The following SLF1 variants were observed in gnomAD, a reference collection of about 807,000 sequenced individuals.
SLF1 encodes SMC5/6 complex localization factor 1, also known as SMC5-SMC6 complex localization factor protein 1.
A neutral mutation model predicts 123.0 loss-of-function variants in SLF1; 105 were observed. The observed-to-expected ratio is 0.85, with a 90% CI of 0.73 to 1.00. The LOEUF is 1.00. SLF1 is among the 50% of genes least tolerant of loss of function. The pLI, the probability that SLF1 is intolerant of heterozygous loss-of-function variation, is 0.00. For synonymous variants in SLF1, 434 were observed against 406.6 expected (o/e 1.07, Z -0.81); for missense variants, 1,239 against 1,223.0 (o/e 1.01, Z -0.20).
rs558868768 is a variant in SLF1 at position 94,677,470 on chromosome 5, T to C, written c.1828-1338T>C. ...TAGATCCTTTTATACTGTAATCTTT[T>C]ATACATGAACAGAATGTTATATATT... On this transcript the variant is annotated intron_variant, in intron 14 of 20. Coordinates refer to ENST00000265140, the MANE Select transcript of SLF1 (RefSeq NM_032290.4). Among the ~76,000 whole-genome samples the C allele has an allele frequency of 7.9e-5, 12 of 152,312 alleles. No homozygotes were observed. In the East Asian group the frequency reaches 2.3e-3, roughly 29 times the overall value.
rs188869896 is a variant in SLF1, at chr5:94,641,536, A to T, written c.432-1737A>T. The stretch of plus-strand genomic sequence containing the variant: ...CACCATCAATGCATCACTTCAGCTT[A>T]CAGCAGTGGGCTCCAGTTTCTTTGT... On this transcript the variant is annotated intron_variant, in intron 4 of 20. Coordinates refer to ENST00000265140, the MANE Select transcript of SLF1 (RefSeq NM_032290.4). Among the ~76,000 whole-genome samples the T allele has an allele frequency of 1.8e-3, 277 of 152,338 alleles. 2 individuals carry two copies. Among genetic ancestry groups the T allele is most frequent in the Non-Finnish European group, 1.8e-3 (123 of 68,026 alleles).
chr5:94,643,305 T>A lies in SLF1; in HGVS notation c.464T>A (p.Leu155Ter). Reference sequence around the variant, plus strand: ...GAGGCTGGAAAGGCAAATGTTATTTTACCAAAAAGTTCACCAAGTGGAATA... The same window carrying A: ...GAGGCTGGAAAGGCAAATGTTATTTAACCAAAAAGTTCACCAAGTGGAATA... ...VLEAGKANVI[L>*]PKSSPSGITH... Residue 155 changes from leucine (L) to a stop codon, truncating the protein, a stop_gained, in exon 5 of 21, where the codon TTA becomes TAA. Transcript: ENST00000265140. LOFTEE classifies it high-confidence loss of function. 2 of 1,542,044 alleles carry A rather than the reference T, an allele frequency of 1.3e-6. No homozygotes were observed. The highest frequency in any genetic ancestry group is 1.7e-6 in the Non-Finnish European group (2 of 1,143,364).
rs762951802 is a variant in SLF1, at chr5:94,695,227, A to T, written c.3092A>T (p.Asn1031Ile). Reference protein sequence around the residue: ...LPHILKELPENLKVCPGVHTE... With the variant: ...LPHILKELPEILKVCPGVHTE... ...CACATTCTTAAGGAACTGCCTGAGA[A>T]TTTGAAAGTGTGTCCTGGGGTACAC... Residue 1031 changes from asparagine to isoleucine, a missense_variant, in exon 21 of 21, where the codon AAT becomes ATT. Physicochemically the swap from Asn to Ile is moderately radical, Grantham distance 149. Transcript: ENST00000265140. 6.2e-7 allele frequency: 1 copy of T among 1,612,490 alleles called. No individual in the cohort carries two copies. Among genetic ancestry groups the T allele is most frequent in the Non-Finnish European group, 8.5e-7 (1 of 1,178,920 alleles).
At chr5:94,688,072 A>G (rs1250601163) in intron 16 of SLF1, among the ~76,000 whole-genome samples, 2 of 149,028 alleles carry the variant, frequency 1.3e-5, no homozygotes, top group African/African-American at 4.9e-5. Context: ...CTGTTTTGCA[A>G]CAATCCTTTA....
Position 94,695,479 on chromosome 5 carries a change from T to G in SLF1, c.*167T>G, listed in dbSNP as rs932381142. On this transcript the variant is annotated 3_prime_UTR_variant, in exon 21 of 21. Transcript: ENST00000265140. ...TTTTAAAAAAACTTCTACAAAACTCTAGTATGGGCTTCTGACTTTTTCCAG... is the reference window on the plus strand; with the variant it reads ...TTTTAAAAAAACTTCTACAAAACTCGAGTATGGGCTTCTGACTTTTTCCAG... 3.1e-5 allele frequency: 22 copies of G among 702,376 alleles called. No individual in the cohort carries two copies. The highest frequency in any genetic ancestry group is 4.6e-5 in the Non-Finnish European group (22 of 480,902). The allele number at this position is 702,376 out of a possible 1,614,324, so 43.5% of individuals were successfully genotyped here.
At chr5:94,650,797 A>C (rs918200072) in intron 6 of SLF1, among the ~76,000 whole-genome samples, 1 of 152,134 alleles carries the variant, frequency 6.6e-6, no homozygotes, top group African/African-American at 2.4e-5. Flanking sequence ...TTTTAATGAG[A>C]AGCTTTTTTG....
intron 1 of SLF1, among the ~76,000 whole-genome samples, chr5:94,620,919 A>T (rs751659409): frequency 4.6e-5 from 7 of 152,128 alleles, no homozygotes; most frequent in Non-Finnish European, 1.0e-4. Context: ...AGACTTTCTC[A>T]TATGAATCAC....
chr5:94,666,102 AAAG>A, intron 12 of SLF1, 78 bp downstream of exon 12: 2 of 1,283,566 alleles, frequency 1.6e-6, no homozygotes, highest in Non-Finnish European at 2.1e-6. Flanking sequence ...GATACTGATG[AAAG>A]AAGTATCTTT....
intron 1 of SLF1, among the ~76,000 whole-genome samples, chr5:94,621,938 T>G (rs1791833105): frequency 6.6e-6 from 1 of 151,720 alleles, no homozygotes; most frequent in African/African-American, 2.4e-5. Flanking sequence ...CTCCTATCTT[T>G]GAAGGATGGG....
Position 94,695,126 on chromosome 5 carries a change from A to G in SLF1, c.2991A>G (p.Lys997=). Residue 997 remains lysine, a synonymous_variant, in exon 21 of 21, where the codon AAA becomes AAG. Transcript: ENST00000265140. ...NELLMACKSH[K]ETTSVHTDWL... ...TGCTTATGGCTTGTAAAAGTCATAA[A>G]GAAACCACCAGTGTTCATACTGACT... 6.2e-7 allele frequency: 1 copy of G among 1,612,744 alleles called. No individual in the cohort carries two copies. Among genetic ancestry groups the G allele is most frequent in the Middle Eastern group, 1.7e-4 (1 of 6,056 alleles).
intron 14 of SLF1, 93 bp downstream of exon 14, chr5:94,671,101 G>GA (rs1194823775): frequency 6.3e-6 from 6 of 945,064 alleles, no homozygotes; most frequent in African/African-American, 1.7e-5. Flanking sequence ...TGGATCACTC[G>GA]AAAACAATTA....
Position 94,643,270 on chromosome 5 carries a change from T to C in SLF1, c.432-3T>C, listed in dbSNP as rs1242392629. ...CTTTTATACCATTTACATTTTTATT[T>C]AGAGTTTTGGAGGCTGGAAAGGCAA... On this transcript the variant is annotated splice_polypyrimidine_tract_variant and splice_region_variant and intron_variant, in intron 4 of 20. Coordinates refer to ENST00000265140, the MANE Select transcript of SLF1 (RefSeq NM_032290.4). 4.6e-6 allele frequency: 7 copies of C among 1,516,676 alleles called. No homozygotes were observed. The highest frequency in any genetic ancestry group is 6.2e-6 in the Non-Finnish European group (7 of 1,132,236). The allele number at this position is 1,516,676 out of a possible 1,614,324, so 94.0% of individuals were successfully genotyped here.
chr5:94,682,022 G>GCA (rs1751845043), intron 15 of SLF1, among the ~76,000 whole-genome samples: 1 of 152,160 alleles, frequency 6.6e-6, no homozygotes, highest in Non-Finnish European at 1.5e-5. Context: ...GTGTGCATGT[G>GCA]TGTGTGTGTG....
rs531887986 is a variant in SLF1, at chr5:94,697,219, A to G, written c.*1907A>G. The G allele has an allele frequency of 2.6e-5, 4 of 152,000 alleles. No homozygotes were observed. The South Asian group carries it at 6.2e-4, about 24-fold the overall frequency. The allele number at this position is 152,000 out of a possible 1,614,324, so 9.4% of individuals were successfully genotyped here. On this transcript the variant is annotated 3_prime_UTR_variant, in exon 21 of 21. Transcript: ENST00000265140. ...AGTTTTACACTTCTTCGAAAGTCCA[A>G]CGTGGCAAACATAGGTTACTGTGTT... is the stretch of plus-strand genomic sequence containing the variant.
At chr5:94,673,300 C>A (rs1327591489) in intron 14 of SLF1, among the ~76,000 whole-genome samples, 6 of 152,046 alleles carry the variant, frequency 3.9e-5, no homozygotes, top group Admixed American at 3.9e-4. Flanking sequence ...CTAGCACTTC[C>A]TCATAATTTG....
intron 3 of SLF1, among the ~76,000 whole-genome samples, chr5:94,629,885 C>A (rs772636409): frequency 4.0e-4 from 61 of 152,144 alleles, no homozygotes; most frequent in South Asian, 6.2e-4. Flanking sequence ...AGGCTCATGC[C>A]TGTAATCCTA....
At chr5:94,683,344 G>A (rs1350738412) in intron 15 of SLF1, among the ~76,000 whole-genome samples, 1 of 152,070 alleles carries the variant, frequency 6.6e-6, no homozygotes, top group African/African-American at 2.4e-5. Flanking sequence ...ATTCTACCAG[G>A]CATTGAGCTA....
intron 12 of SLF1, among the ~76,000 whole-genome samples, chr5:94,669,103 G>A (rs1367388707): frequency 6.6e-6 from 1 of 152,132 alleles, no homozygotes; most frequent in Non-Finnish European, 1.5e-5. Context: ...GGGTACTGTG[G>A]AGGTGCTTAG....
chr5:94,652,965 C>T (rs1201035288), intron 7 of SLF1, among the ~76,000 whole-genome samples: 1 of 152,188 alleles, frequency 6.6e-6, no homozygotes, highest in Admixed American at 6.5e-5. Flanking sequence ...TCAAGCGATT[C>T]ACCTGCCTCA....
Sources: allele counts gnomAD v4.1 joint callset (sites outside exome capture counted in the v4.1 genomes callset), GRCh38; gene constraint gnomAD v4.1.1; transcripts MANE v1.5; gene names NCBI Gene and HGNC (gene_info 2026-07-23, HGNC 2026-07-21).